IFT81: variants seen among roughly 807,000 people sequenced by gnomAD.
The protein encoded by IFT81 is intraflagellar transport protein 81 homolog.
A neutral mutation model predicts 102.6 loss-of-function variants in IFT81; 72 were observed. That is an observed-to-expected ratio of 0.70 (90% CI 0.58 to 0.85). IFT81 has a LOEUF of 0.85. Among genes scored for constraint, IFT81 ranks in the 40% least tolerant of loss-of-function variants. The pLI is 0.00. For synonymous variants in IFT81, 237 were observed against 242.7 expected, an observed-to-expected ratio of 0.98 and a Z score of 0.22; for missense variants, 723 against 787.3, an observed-to-expected ratio of 0.92 and a Z score of 0.98.
In IFT81 at chr12:110,203,976, A is replaced by C. The variant is rs767125232; in HGVS notation, c.1644+26A>C. 3.3e-6 allele frequency: 5 copies of C among 1,497,002 alleles called. No individual in the cohort carries two copies. In the East Asian group the frequency reaches 1.2e-4, roughly 35 times the overall value. The allele number at this position is 1,497,002 out of a possible 1,614,324, so 92.7% of individuals were successfully genotyped here. A position where few individuals can be genotyped will look rare whatever the true frequency, so the allele number is the denominator to read the frequency against. On this transcript the variant is annotated intron_variant, in intron 15 of 18. Transcript: ENST00000242591. The stretch of plus-strand genomic sequence containing the variant: ...GTAAGAAGAGAGTTTTTATTTTAAC[A>C]ATTTAGCAAAAACTACCTGTGTGTA...
intron 5 of IFT81, among the ~76,000 whole-genome samples, chr12:110,133,538 G>A (rs1420048744): frequency 6.6e-6 from 1 of 151,936 alleles, no homozygotes; most frequent in East Asian, 1.9e-4. Flanking sequence ...TGAGGCAGGA[G>A]GATCACTTGA....
At chr12:110,134,802 G>T in intron 5 of IFT81, 146 bp from the exon 6 acceptor site, 1 of 612,450 alleles carries the variant, frequency 1.6e-6, no homozygotes, top group Non-Finnish European at 2.8e-6. Context: ...AAATAGAAAT[G>T]ACCTTCATCC....
intron 18 of IFT81, among the ~76,000 whole-genome samples, chr12:110,214,071 T>G (rs149739618): frequency 6.7e-4 from 102 of 152,304 alleles, no homozygotes; most frequent in African/African-American, 2.4e-3. Context: ...TGAAGCTGAT[T>G]CCTCCATTTA....
At chr12:110,199,915 T>A (rs1162345191) in intron 14 of IFT81, among the ~76,000 whole-genome samples, 3 of 152,184 alleles carry the variant, frequency 2.0e-5, no homozygotes, top group Non-Finnish European at 4.4e-5. Flanking sequence ...TGAAAACAAC[T>A]TAAGGTTTAC....
intron 10 of IFT81, among the ~76,000 whole-genome samples, 200 bp downstream of exon 10, chr12:110,147,248 A>G (rs1895279657): frequency 6.6e-6 from 1 of 152,200 alleles, no homozygotes; most frequent in South Asian, 2.1e-4. Context: ...CGATACCCCT[A>G]ATAATGCTTA....
In IFT81 at chr12:110,218,326, T is replaced by G. The variant is rs1309564002; in HGVS notation, c.*100T>G. 2.0e-5 allele frequency: 17 copies of G among 837,542 alleles called. No individual in the cohort carries two copies. The highest frequency in any genetic ancestry group is 1.7e-5 in the Non-Finnish European group (10 of 574,602). The allele number at this position is 837,542 out of a possible 1,614,324, so 51.9% of individuals were successfully genotyped here. A position where few individuals can be genotyped will look rare whatever the true frequency, so the allele number is the denominator to read the frequency against. ...TGAAACTGATTTGTATAGCATTTTG[T>G]TTTCAGAAGAGCCATTCTTTATTAA... On this transcript the variant is annotated 3_prime_UTR_variant, in exon 19 of 19. Transcript: ENST00000242591.
At chr12:110,213,291 A>T (rs1869702921) in intron 18 of IFT81, among the ~76,000 whole-genome samples, 2 of 149,198 alleles carry the variant, frequency 1.3e-5, no homozygotes, top group Admixed American at 6.7e-5. Flanking sequence ...TGTTGAAAAG[A>T]AAAAAAAAAC....
rs768038338 is a variant in IFT81, at chr12:110,189,004, T to C, written c.1339-1916T>C. Among the ~76,000 whole-genome samples the C allele has an allele frequency of 2.2e-4, 33 of 152,152 alleles. 1 individual carries two copies. The highest frequency in any genetic ancestry group is 2.9e-4 in the Non-Finnish European group (20 of 68,030). ...AATCCAATGATTAATTATTAGTCCT[T>C]TCCTTACTTGACCTAGTAGCAGCAT... On this transcript the variant is annotated intron_variant, in intron 12 of 18. Transcript: ENST00000242591.
intron 8 of IFT81, among the ~76,000 whole-genome samples, chr12:110,142,673 C>T (rs1275468594): frequency 6.6e-6 from 1 of 151,848 alleles, no homozygotes; most frequent in Non-Finnish European, 1.5e-5. Context: ...GGTGACTGCT[C>T]AAGCCCAGGA....
At chr12:110,148,549 C>T (rs887796996) in intron 10 of IFT81, among the ~76,000 whole-genome samples, 3 of 151,498 alleles carry the variant, frequency 2.0e-5, no homozygotes, top group African/African-American at 7.3e-5. Context: ...GATCTCGGCT[C>T]ACTGCAACCT....
chr12:110,183,240 G>C (rs993868578), intron 12 of IFT81, among the ~76,000 whole-genome samples: 3 of 152,160 alleles, frequency 2.0e-5, no homozygotes, highest in Admixed American at 1.3e-4. Context: ...GAAGTACAAT[G>C]GGCAAGAAAG....
chr12:110,124,432 G>A lies in IFT81; in HGVS notation c.-451G>A, dbSNP rs975194955. On this transcript the variant is annotated 5_prime_UTR_variant, in exon 1 of 19. Transcript: ENST00000242591. ...GGGGGGTGGGGAAACGGTTTCGTGA[G>A]GAGAATTTGAGGTAACCTCGCCAAC... 2 of 152,374 alleles carry A rather than the reference G, an allele frequency of 1.3e-5. No homozygotes were observed. Among genetic ancestry groups the A allele is most frequent in the African/African-American group, 2.4e-5 (1 of 41,392 alleles). The allele number at this position is 152,374 out of a possible 1,614,324, so 9.4% of individuals were successfully genotyped here.
intron 5 of IFT81, among the ~76,000 whole-genome samples, chr12:110,134,741 T>G (rs1894378779): frequency 6.6e-6 from 1 of 152,132 alleles, no homozygotes; most frequent in African/African-American, 2.4e-5. Flanking sequence ...CATTTCTGGA[T>G]GAACACCAAG....
chr12:110,218,394 T>G lies in IFT81; in HGVS notation c.*168T>G. The G allele has an allele frequency of 2.1e-6, 1 of 480,994 alleles. No homozygotes were observed. Among genetic ancestry groups the G allele is most frequent in the Non-Finnish European group, 3.5e-6 (1 of 282,946 alleles). 29.8% of individuals were successfully genotyped at this position (480,994 alleles called of 1,614,324 possible). On this transcript the variant is annotated 3_prime_UTR_variant, in exon 19 of 19. Transcript: ENST00000242591. Reference sequence around the variant, plus strand: ...TGTTAAGGTAGATTTAGTTTGAATGTTTTTTCATATGAAAAAGAGGCTTTT... The same window carrying G: ...TGTTAAGGTAGATTTAGTTTGAATGGTTTTTCATATGAAAAAGAGGCTTTT...
rs568365151 is a variant in IFT81 at position 110,203,938 on chromosome 12, C to T, written c.1632C>T (p.Ser544=). The change falls in exon 15 of 19, where the codon TCC becomes TCT. Residue 544 remains serine, a synonymous_variant. Coordinates refer to ENST00000242591, the MANE Select transcript of IFT81 (RefSeq NM_014055.4). ...SCAAGLESNR[S]KLEQEVRRLR... ...CAGCAGGCCTCGAAAGCAATCGGTC[C>T]AAATTAGAACAGGTAAGAAGAGAGT... The T allele has an allele frequency of 3.7e-6, 6 of 1,609,926 alleles. No individual in the cohort carries two copies. In the Admixed American group the frequency reaches 6.7e-5, roughly 18 times the overall value.
In IFT81 at chr12:110,205,555, A is replaced by G. The variant is rs746203734; in HGVS notation, c.1717-40A>G. 47 of 1,586,572 alleles carry G rather than the reference A, an allele frequency of 3.0e-5. No homozygotes were observed. The African/African-American group carries it at 4.6e-4, about 16-fold the overall frequency. ...TCAAAAACATTTCTGAGTTTTTTCT[A>G]TATCAAAGTCTTCCCTAAAACTGAA... is the stretch of plus-strand genomic sequence containing the variant. On this transcript the variant is annotated intron_variant, in intron 16 of 18. Transcript: ENST00000242591.
chr12:110,146,818 G>A, intron 9 of IFT81, 135 bp from the exon 10 acceptor site: 1 of 1,082,498 alleles, frequency 9.2e-7, no homozygotes, highest in African/African-American at 1.6e-5. Flanking sequence ...AAAAAAATTA[G>A]TCTAGGTGAA....
At chr12:110,158,083 T>C (rs1200858492) in intron 10 of IFT81, among the ~76,000 whole-genome samples, 1 of 152,142 alleles carries the variant, frequency 6.6e-6, no homozygotes, top group Non-Finnish European at 1.5e-5. Flanking sequence ...TATTTTATTT[T>C]ATTTTTGAGA....
chr12:110,197,026 C>A (rs1220112769), intron 14 of IFT81, among the ~76,000 whole-genome samples: 3 of 151,984 alleles, frequency 2.0e-5, no homozygotes, highest in Non-Finnish European at 4.4e-5. Flanking sequence ...TAGCAAGACT[C>A]CATCTCTACA....
Sources: gnomAD v4.1 joint callset for allele counts (sites outside exome capture counted in the v4.1 genomes callset) on GRCh38, gnomAD v4.1.1 for gene constraint, MANE v1.5 for transcripts, NCBI Gene and HGNC (gene_info 2026-07-23, HGNC 2026-07-21) for gene names.